The following MRAP2 variants were observed in gnomAD, a reference collection of about 807,000 sequenced individuals.
The protein encoded by MRAP2 is melanocortin 2 receptor accessory protein 2.
Under a neutral mutation model 17.4 loss-of-function variants are expected in MRAP2, and 20 were observed. The observed-to-expected ratio is 1.15, with a 90% CI of 0.81 to 1.67. MRAP2 has a LOEUF of 1.67. MRAP2 is among the 40% of genes most tolerant of loss of function. The pLI, the probability that MRAP2 is intolerant of heterozygous loss-of-function variation, is 0.00. For synonymous variants in MRAP2, 96 were observed against 88.4 expected, an observed-to-expected ratio of 1.09 and a Z score of -0.48; for missense variants, 238 against 240.0, an observed-to-expected ratio of 0.99 and a Z score of 0.05.
chr6:84,051,606 T>G (rs1163167091), intron 1 of MRAP2, among the ~76,000 whole-genome samples: 1 of 152,048 alleles, frequency 6.6e-6, no homozygotes, highest in Non-Finnish European at 1.5e-5. Flanking sequence ...GCATGTAATC[T>G]CAGCACTTTG....
intron 1 of MRAP2, among the ~76,000 whole-genome samples, chr6:84,037,082 T>C (rs2099486250): frequency 6.6e-6 from 1 of 151,948 alleles, no homozygotes; most frequent in Non-Finnish European, 1.5e-5. Flanking sequence ...ATCCTCCAGC[T>C]AGACATAAAA....
chr6:84,089,068 T>G (rs1162887951), intron 3 of MRAP2, 23 bp from the exon 4 acceptor site: 1 of 1,585,138 alleles, frequency 6.3e-7, no homozygotes, highest in Non-Finnish European at 8.6e-7. Flanking sequence ...GTAAGCAGTC[T>G]TTTATTTTCT....
chr6:84,105,736 CCTT>C, the MRAP2 span, among the ~76,000 whole-genome samples: 3 of 152,148 alleles, frequency 2.0e-5, no homozygotes, highest in African/African-American at 7.2e-5. Context: ...ATCATAACTT[CCTT>C]CTTGGTCTGT....
chr6:84,121,513 C>T, the MRAP2 span, among the ~76,000 whole-genome samples: 44 of 152,228 alleles, frequency 2.9e-4, no homozygotes, highest in East Asian at 5.8e-3. Context: ...GGTGTGATGG[C>T]GTGCGCCTGT....
chr6:84,143,686 G>C, the MRAP2 span, among the ~76,000 whole-genome samples: 1 of 151,984 alleles, frequency 6.6e-6, no homozygotes, highest in African/African-American at 2.4e-5. Flanking sequence ...GTCTAAAACA[G>C]AATATGTTTA....
the MRAP2 span, among the ~76,000 whole-genome samples, chr6:84,120,081 AC>A: frequency 6.6e-6 from 1 of 152,190 alleles, no homozygotes; most frequent in Non-Finnish European, 1.5e-5. Flanking sequence ...CAGCCTGAGA[AC>A]CTGGGGGACA....
Position 84,064,741 on chromosome 6 carries a change from C to A in MRAP2, c.227+1749C>A, listed in dbSNP as rs1458450128. Among the ~76,000 whole-genome samples, 6 of 152,264 alleles carry A rather than the reference C, an allele frequency of 3.9e-5. No homozygotes were observed. In the South Asian group the frequency reaches 1.2e-3, roughly 32 times the overall value. The stretch of plus-strand genomic sequence containing the variant: ...TGACTTCGTGATCCGCCCGCCTTGG[C>A]CTCCCAAAGTGCTGGGATTACAGGC... On this transcript the variant is annotated intron_variant, in intron 3 of 3. Transcript: ENST00000257776.
intron 1 of MRAP2, among the ~76,000 whole-genome samples, chr6:84,039,943 A>G (rs1351888382): frequency 6.6e-6 from 1 of 152,092 alleles, no homozygotes; most frequent in Non-Finnish European, 1.5e-5. Flanking sequence ...TTCTGTGGGG[A>G]AAAAAAGAAA....
chr6:84,141,600 T>C, the MRAP2 span, among the ~76,000 whole-genome samples: 1 of 152,172 alleles, frequency 6.6e-6, no homozygotes, highest in African/African-American at 2.4e-5. Flanking sequence ...GGAAATCTTT[T>C]AAATGCCCAG....
intron 1 of MRAP2, among the ~76,000 whole-genome samples, chr6:84,043,004 G>A (rs1439524554): frequency 6.6e-6 from 1 of 152,224 alleles, no homozygotes; most frequent in African/African-American, 2.4e-5. Flanking sequence ...GATATGGTGT[G>A]TGCTGTTTGG....
At chr6:84,042,834 G>A (rs573393339) in intron 1 of MRAP2, among the ~76,000 whole-genome samples, 8 of 152,328 alleles carry the variant, frequency 5.3e-5, no homozygotes, top group Admixed American at 1.3e-4. Context: ...TCATTAGAAC[G>A]TTCAGCTTTT....
rs530829324 is a variant in MRAP2, at chr6:84,044,143, A to G, written c.-8+10260A>G. Among the ~76,000 whole-genome samples, 3 of 152,298 alleles carry G rather than the reference A, an allele frequency of 2.0e-5. No homozygotes were observed. The South Asian group carries it at 6.2e-4, about 32-fold the overall frequency. On this transcript the variant is annotated intron_variant, in intron 1 of 3. Transcript: ENST00000257776. ...ATATGAATTTCCTCGGGCTGCCATAACAAAATACCACAGACTGGGTAGCTT... is the reference window on the plus strand; with the variant it reads ...ATATGAATTTCCTCGGGCTGCCATAGCAAAATACCACAGACTGGGTAGCTT...
chr6:84,099,821 T>C, the MRAP2 span, among the ~76,000 whole-genome samples: 1 of 152,200 alleles, frequency 6.6e-6, no homozygotes. Flanking sequence ...CTAATGCAAA[T>C]GGATTAATAC....
At chr6:84,053,172 C>T (rs986864892) in intron 1 of MRAP2, among the ~76,000 whole-genome samples, 13 of 152,134 alleles carry the variant, frequency 8.5e-5, no homozygotes, top group African/African-American at 2.2e-4. Context: ...GCTGAATAGA[C>T]GACACCCTCC....
intron 3 of MRAP2, among the ~76,000 whole-genome samples, chr6:84,083,646 A>T (rs73752627): frequency 0.14 from 20,774 of 152,158 alleles, 1,453 homozygotes; most frequent in Middle Eastern, 0.23. Flanking sequence ...TTATTTTGTC[A>T]ACAAACTTAA....
chr6:84,045,091 G>C (rs865952058), intron 1 of MRAP2: 4 of 282,786 alleles, frequency 1.4e-5, no homozygotes, highest in Non-Finnish European at 2.1e-5. Flanking sequence ...GCTGTGCATA[G>C]GTTCTATGCA....
chr6:84,114,227 G>T, the MRAP2 span, among the ~76,000 whole-genome samples: 3 of 152,020 alleles, frequency 2.0e-5, no homozygotes, highest in Non-Finnish European at 4.4e-5. Flanking sequence ...TCAAACATAC[G>T]TTTGGTCTTT....
intron 2 of MRAP2, among the ~76,000 whole-genome samples, chr6:84,058,159 T>C (rs1344483387): frequency 6.6e-6 from 1 of 152,170 alleles, no homozygotes; most frequent in Non-Finnish European, 1.5e-5. Context: ...GCCATCTGGC[T>C]TAGGTTTCAA....
the MRAP2 span, among the ~76,000 whole-genome samples, chr6:84,108,702 G>A: frequency 2.0e-5 from 3 of 152,166 alleles, no homozygotes; most frequent in Admixed American, 6.5e-5. Flanking sequence ...GTCAAATTTT[G>A]TTTCTGTTTC....
Sources: gnomAD v4.1 joint callset for allele counts (sites outside exome capture counted in the v4.1 genomes callset) on GRCh38, gnomAD v4.1.1 for gene constraint, MANE v1.5 for transcripts, NCBI Gene and HGNC (gene_info 2026-07-23, HGNC 2026-07-21) for gene names.